The following GUCA1C variants were observed in gnomAD, a reference collection of about 807,000 sequenced individuals.
The protein encoded by GUCA1C is guanylyl cyclase-activating protein 3.
In GUCA1C, 15 loss-of-function variants were observed where a neutral mutation model predicts 16.2. That is an observed-to-expected ratio of 0.93 (90% CI 0.62 to 1.43). GUCA1C has a LOEUF of 1.43. Among genes scored for constraint, GUCA1C ranks in the 40% most tolerant of loss-of-function variants. The pLI is 0.00. For missense variants in GUCA1C, 275 were observed against 244.8 expected (o/e 1.12, Z -0.82); for synonymous variants, 78 against 85.4 (o/e 0.91, Z 0.48).
At chr3:108,927,161 T>A (rs1946630470) in intron 1 of GUCA1C, among the ~76,000 whole-genome samples, 1 of 152,208 alleles carries the variant, frequency 6.6e-6, no homozygotes, top group African/African-American at 2.4e-5. Flanking sequence ...GCTCTTAAGA[T>A]TCTTTCATTT....
intron 3 of GUCA1C, among the ~76,000 whole-genome samples, chr3:108,915,299 G>T (rs1576544289): frequency 6.6e-6 from 1 of 152,184 alleles, no homozygotes. Flanking sequence ...ACTGTGATTG[G>T]CATGCCAATG....
chr3:108,918,985 TAATGCTAACTCTAAAAC>T (rs1490837235), intron 2 of GUCA1C, among the ~76,000 whole-genome samples: 1 of 152,186 alleles, frequency 6.6e-6, no homozygotes. Context: ...TCAAAATAAG[TAATGCTAACTCTAAAAC>T]AAAGATCAGC....
At chr3:108,943,744 A>T (rs1946814659) in intron 1 of GUCA1C, among the ~76,000 whole-genome samples, 1 of 152,100 alleles carries the variant, frequency 6.6e-6, no homozygotes. Context: ...CACAAATAAG[A>T]AATACATTTT....
At position 108,937,071 on chromosome 3, in the gene GUCA1C, A is replaced by G. The variant is rs566144904; in HGVS notation, c.205-16486T>C. ...CCCTCAGCCTACAGTGTACCCAGGA[A>G]ATGTTCCCAAATGCCCTTCCAAGGC... On this transcript the variant is annotated intron_variant, in intron 1 of 3. Coordinates refer to ENST00000261047, the MANE Select transcript of GUCA1C (RefSeq NM_005459.4). Among the ~76,000 whole-genome samples the G allele has an allele frequency of 1.5e-3, 233 of 152,272 alleles. 2 individuals are homozygous for G. Among genetic ancestry groups the G allele is most frequent in the South Asian group, 0.01 (50 of 4,824 alleles).
chr3:108,953,901 T>C (rs1946925290), upstream of GUCA1C: 2 of 620,236 alleles, frequency 3.2e-6, no homozygotes, highest in Non-Finnish European at 5.8e-6. Context: ...AGCAACAAGC[T>C]AAATAAGAAT....
At chr3:108,931,700 T>A (rs1364056216) in intron 1 of GUCA1C, among the ~76,000 whole-genome samples, 2 of 151,878 alleles carry the variant, frequency 1.3e-5, no homozygotes. Flanking sequence ...AGGAAAAAAA[T>A]TATTGTTTTC....
chr3:108,947,620 A>C (rs955466010), intron 1 of GUCA1C, among the ~76,000 whole-genome samples: 29 of 152,334 alleles, frequency 1.9e-4, no homozygotes, highest in African/African-American at 7.0e-4. Flanking sequence ...ATTGGTATAG[A>C]TGAATAATAA....
intron 2 of GUCA1C, among the ~76,000 whole-genome samples, chr3:108,917,334 C>G (rs1946528034): frequency 6.6e-6 from 1 of 152,174 alleles, no homozygotes; most frequent in Non-Finnish European, 1.5e-5. Flanking sequence ...CATCACCAAT[C>G]TTCAGGTCAT....
chr3:108,948,216 G>A (rs970533307), intron 1 of GUCA1C, among the ~76,000 whole-genome samples: 3 of 152,158 alleles, frequency 2.0e-5, no homozygotes, highest in Non-Finnish European at 4.4e-5. Context: ...CCTGGTGGGA[G>A]GTGATTGGAT....
At chr3:108,909,475 G>A (rs929770558) in intron 3 of GUCA1C, among the ~76,000 whole-genome samples, 3 of 152,108 alleles carry the variant, frequency 2.0e-5, no homozygotes, top group South Asian at 2.1e-4. Flanking sequence ...CAGAATAACC[G>A]CCCTTTGCAA....
intron 1 of GUCA1C, among the ~76,000 whole-genome samples, chr3:108,926,108 T>A (rs529084614): frequency 5.3e-5 from 8 of 151,976 alleles, no homozygotes; most frequent in African/African-American, 1.9e-4. Context: ...ATTGGGGAAC[T>A]CCAGTGTTAG....
intron 1 of GUCA1C, among the ~76,000 whole-genome samples, chr3:108,923,606 C>G: frequency 6.6e-6 from 1 of 152,186 alleles, no homozygotes; most frequent in South Asian, 2.1e-4. Context: ...TTTGTTCTTT[C>G]TGCTTCATCT....
upstream of GUCA1C, chr3:108,954,023 C>G (rs1320838902): frequency 1.5e-5 from 7 of 468,046 alleles, no homozygotes; most frequent in Middle Eastern, 1.1e-3. Context: ...GTGAAGGGAA[C>G]ACGCAATATT....
upstream of GUCA1C, among the ~76,000 whole-genome samples, chr3:108,954,598 C>T (rs550240236): frequency 8.5e-4 from 130 of 152,214 alleles, 1 homozygote; most frequent in Middle Eastern, 6.8e-3. Context: ...GGTCAATGGA[C>T]CTAAGAACTG....
chr3:108,934,601 G>A (rs1946702756), intron 1 of GUCA1C, among the ~76,000 whole-genome samples: 2 of 152,090 alleles, frequency 1.3e-5, no homozygotes, highest in African/African-American at 4.8e-5. Flanking sequence ...CAATAGCAAA[G>A]ACAAGGAATC....
At chr3:108,914,797 A>G (rs1482376809) in intron 3 of GUCA1C, among the ~76,000 whole-genome samples, 2 of 152,208 alleles carry the variant, frequency 1.3e-5, no homozygotes, top group African/African-American at 4.8e-5. Context: ...TATTCCAAAT[A>G]AAGTCTTCAT....
At chr3:108,924,327 A>G (rs1325068341) in intron 1 of GUCA1C, among the ~76,000 whole-genome samples, 2 of 152,066 alleles carry the variant, frequency 1.3e-5, no homozygotes, top group East Asian at 3.8e-4. Flanking sequence ...TTCTATACCA[A>G]TTTTGCTGAG....
intron 2 of GUCA1C, among the ~76,000 whole-genome samples, chr3:108,917,059 G>C (rs1946525507): frequency 6.6e-6 from 1 of 152,134 alleles, no homozygotes; most frequent in African/African-American, 2.4e-5. Context: ...AATGATGGTA[G>C]CTTTTTATTA....
chr3:108,953,670 T>G lies in GUCA1C; in HGVS notation c.93A>C (p.Pro31=). 1 of 1,612,798 alleles carries G rather than the reference T, an allele frequency of 6.2e-7. No individual in the cohort carries two copies. Among genetic ancestry groups the G allele is most frequent in the Non-Finnish European group, 8.5e-7 (1 of 1,178,760 alleles). ...ATTCATGTAGTGTTTGCAGGCCGGA[T>G]GGATATTCCATCATAAATGTTCTGT... ...VWYRTFMMEY[P]SGLQTLHEFK... is the part of the protein sequence containing the mutation. The change falls in exon 1 of 4, where the codon CCA becomes CCC. Residue 31 remains proline (P), a synonymous_variant. Coordinates refer to ENST00000261047, the MANE Select transcript of GUCA1C (RefSeq NM_005459.4).
Sources: gnomAD v4.1 joint callset for allele counts (sites outside exome capture counted in the v4.1 genomes callset) on GRCh38, gnomAD v4.1.1 for gene constraint, MANE v1.5 for transcripts, NCBI Gene and HGNC (gene_info 2026-07-23, HGNC 2026-07-21) for gene names.